Variants in PUDP observed in about 807,000 individuals in gnomAD.
PUDP encodes the protein pseudouridine-5'-phosphatase.
Under a neutral mutation model 9.4 loss-of-function variants are expected in PUDP, and 8 were observed. The observed-to-expected ratio is 0.85, with a 90% confidence interval of 0.50 to 1.53. The LOEUF (loss-of-function observed/expected upper bound fraction) is 1.53, where lower values mean the gene tolerates loss of function less well. Ranked by LOEUF, PUDP falls within the 40% of genes most tolerant of loss-of-function variation. PUDP has a pLI of 0.00. For synonymous variants in PUDP, 99 were observed against 80.7 expected, an observed-to-expected ratio of 1.23 and a Z score of -1.22; for missense variants, 188 against 189.7, an observed-to-expected ratio of 0.99 and a Z score of 0.05.
intron 3 of PUDP, among the ~76,000 whole-genome samples, chrX:6,852,407 G>A (rs1260421311): frequency 8.9e-6 from 1 of 112,258 alleles, no homozygotes; most frequent in African/African-American, 3.2e-5. Flanking sequence ...GGCTGGCAGG[G>A]GTGTTGTCTG....
chrX:6,850,681 C>T (rs1477902152), intron 3 of PUDP, among the ~76,000 whole-genome samples: 1 of 112,408 alleles, frequency 8.9e-6, no homozygotes, highest in Non-Finnish European at 1.9e-5. Context: ...TATATTTGCT[C>T]ATAATCCCCG....
intron 3 of PUDP, among the ~76,000 whole-genome samples, chrX:6,929,344 A>T (rs5935844): frequency 0.24 from 27,124 of 111,831 alleles, 3,273 homozygotes; most frequent in Non-Finnish European, 0.36. Flanking sequence ...GGGAAACATA[A>T]GGCATCAGTC....
At chrX:7,023,461 G>A (rs910440332) in intron 1 of PUDP, among the ~76,000 whole-genome samples, 12 of 112,173 alleles carry the variant, frequency 1.1e-4, no homozygotes, top group East Asian at 5.6e-4. Context: ...TCGAAGTCTC[G>A]TGGTTTTAGG....
intron 3 of PUDP, among the ~76,000 whole-genome samples, chrX:6,798,218 A>G (rs1925874733): frequency 1.8e-5 from 2 of 112,029 alleles, no homozygotes; most frequent in Non-Finnish European, 3.8e-5. Flanking sequence ...CACATCTTAC[A>G]TGGTGACAAG....
intron 3 of PUDP, among the ~76,000 whole-genome samples, chrX:6,729,702 T>C (rs1395851783): frequency 9.0e-6 from 1 of 111,536 alleles, no homozygotes; most frequent in Non-Finnish European, 1.9e-5. Flanking sequence ...TTTTCCTTTC[T>C]GCCTTCGTTA....
intron 3 of PUDP, among the ~76,000 whole-genome samples, chrX:6,921,169 A>G (rs938002081): frequency 2.7e-5 from 3 of 110,610 alleles, no homozygotes; most frequent in Non-Finnish European, 3.8e-5. Context: ...GGATCACTTG[A>G]GCTCAGGAGT....
intron 1 of PUDP, among the ~76,000 whole-genome samples, chrX:7,111,427 T>G (rs1373073513): frequency 3.9e-5 from 4 of 102,384 alleles, no homozygotes; most frequent in African/African-American, 1.5e-4. Context: ...CTGTCTAACA[T>G]ACGATGTTTA....
At chrX:6,963,406 T>C (rs981853717) in intron 3 of PUDP, among the ~76,000 whole-genome samples, 2 of 111,393 alleles carry the variant, frequency 1.8e-5, no homozygotes, top group Admixed American at 1.9e-4. Context: ...GCCCTCTGTC[T>C]ATACTGTCTG....
intron 3 of PUDP, among the ~76,000 whole-genome samples, chrX:6,777,876 A>G (rs954934718): frequency 8.9e-6 from 1 of 112,125 alleles, no homozygotes; most frequent in African/African-American, 3.2e-5. Flanking sequence ...ATCCATTTTC[A>G]CCAGTTGACT....
chrX:6,724,706 C>G (rs1294658344), upstream of PUDP, among the ~76,000 whole-genome samples: 1 of 111,415 alleles, frequency 9.0e-6, no homozygotes, highest in Admixed American at 9.6e-5. Flanking sequence ...GTAAGAACTG[C>G]TCTTGTATGC....
chrX:6,721,804 C>T (rs1924676792), upstream of PUDP, among the ~76,000 whole-genome samples: 2 of 111,538 alleles, frequency 1.8e-5, no homozygotes, highest in Admixed American at 9.6e-5. Context: ...TACAGCATAT[C>T]CTTAAACTGG....
At chrX:6,791,809 G>A (rs1418237653) in intron 3 of PUDP, among the ~76,000 whole-genome samples, 1 of 112,372 alleles carries the variant, frequency 8.9e-6, no homozygotes. Flanking sequence ...GGTAACCCAA[G>A]ACAGCAGCAA....
chrX:7,032,025 CAACAT>C (rs1351151931), intron 1 of PUDP, among the ~76,000 whole-genome samples: 1 of 110,991 alleles, frequency 9.0e-6, no homozygotes, highest in East Asian at 2.8e-4. Context: ...TTCTAAAACT[CAACAT>C]AAAAAGACAA....
intron 3 of PUDP, among the ~76,000 whole-genome samples, chrX:6,873,731 A>G (rs1420424247): frequency 1.8e-5 from 2 of 111,930 alleles, no homozygotes; most frequent in African/African-American, 6.5e-5. Flanking sequence ...AGCACTATAA[A>G]AACTAGTTGT....
chrX:6,953,059 A>G (rs1428947932), intron 3 of PUDP, among the ~76,000 whole-genome samples: 1 of 111,702 alleles, frequency 9.0e-6, no homozygotes, highest in Non-Finnish European at 1.9e-5. Context: ...ATCATATCAT[A>G]TTAGGGGTTC....
chrX:6,711,136 G>A (rs915518320), intron 1 of PUDP, among the ~76,000 whole-genome samples: 6 of 111,659 alleles, frequency 5.4e-5, no homozygotes, highest in Admixed American at 9.5e-5. Context: ...GAGAAATGGC[G>A]CAAACATTTA....
chrX:7,013,658 G>A (rs1240171535), intron 1 of PUDP, among the ~76,000 whole-genome samples: 1 of 112,038 alleles, frequency 8.9e-6, no homozygotes, highest in Non-Finnish European at 1.9e-5. Context: ...AGTGCAACAG[G>A]CGTGTGGCTC....
chrX:6,932,867 C>T (rs746764676), intron 3 of PUDP, among the ~76,000 whole-genome samples: 2 of 111,028 alleles, frequency 1.8e-5, no homozygotes, highest in South Asian at 8.0e-4. Context: ...TCGCTGATTG[C>T]TGGCACAGCA....
intron 3 of PUDP, among the ~76,000 whole-genome samples, chrX:6,729,333 T>C (rs756556259): frequency 1.2e-3 from 132 of 111,757 alleles, no homozygotes; most frequent in Non-Finnish European, 2.1e-3. Context: ...CTGTCCCCAC[T>C]TTGAGTTGTC....
Sources: allele counts gnomAD v4.1 joint callset (sites outside exome capture counted in the v4.1 genomes callset), GRCh38; gene constraint gnomAD v4.1.1; transcripts MANE v1.5; gene names NCBI Gene and HGNC (gene_info 2026-07-23, HGNC 2026-07-21).